PCSK9: variants seen among roughly 807,000 people sequenced by gnomAD.
PCSK9 encodes the protein proprotein convertase subtilisin/kexin type 9, also known as convertase subtilisin/kexin type 9 preproprotein.
In PCSK9, 57 loss-of-function variants were observed where a neutral mutation model predicts 62.1. The ratio of observed to expected loss-of-function variants is 0.92; its 90% CI spans 0.74 to 1.14. PCSK9 has a LOEUF of 1.14. Among genes scored for constraint, PCSK9 ranks in the 50% most tolerant of loss-of-function variants. PCSK9 has a pLI of 0.00. For missense variants in PCSK9, 870 were observed against 959.8 expected (o/e 0.91, Z 1.24); for synonymous variants, 387 against 409.4 (o/e 0.95, Z 0.66).
rs920853420 is a variant in PCSK9 at position 55,063,289 on chromosome 1, T to A, written c.1864-80T>A. On this transcript the variant is annotated intron_variant, in intron 11 of 11. Transcript: ENST00000302118. ...TCTGCACTTTGGCCTCACAGAAGGA[T>A]GTCGGAGGGAGAAATGAAGTGTGGG... The A allele has an allele frequency of 7.5e-6, 11 of 1,467,998 alleles. No homozygotes were observed. The African/African-American group carries it at 1.5e-4, about 21-fold the overall frequency. The allele number at this position is 1,467,998 out of a possible 1,614,324, so 90.9% of individuals were successfully genotyped here. A position where few individuals can be genotyped will look rare whatever the true frequency, so the allele number is the denominator to read the frequency against.
intron 2 of PCSK9, 65 bp from the exon 3 acceptor site, chr1:55,046,458 G>A: frequency 6.2e-7 from 1 of 1,613,064 alleles, no homozygotes; most frequent in South Asian, 1.1e-5. Flanking sequence ...AGGCCAGGCT[G>A]TGGCTGTGTT....
At chr1:55,050,839 C>T (rs1427552712) in intron 3 of PCSK9, 1 of 301,794 alleles carries the variant, frequency 3.3e-6, no homozygotes, top group Non-Finnish European at 6.4e-6. Context: ...TGAGCCAGAC[C>T]TTATTTGGAG....
In PCSK9 at chr1:55,050,046, G is replaced by A. The variant is rs566742505; in HGVS notation, c.524-2232G>A. The stretch of plus-strand genomic sequence containing the variant: ...CTGCCCAGCAGGCCTTCTGCTCGAT[G>A]TGCGTTGTGTGGCTTACGTCCAGGG... On this transcript the variant is annotated intron_variant, in intron 3 of 11. Transcript: ENST00000302118. Among the ~76,000 whole-genome samples, 3 of 152,354 alleles carry A rather than the reference G, an allele frequency of 2.0e-5. No homozygotes were observed. The East Asian group carries it at 5.8e-4, about 29-fold the overall frequency.
rs768944317 is a variant in PCSK9 at position 55,042,303 on chromosome 1, C to T, written c.208-1540C>T. ...CCACCGTCTGAAATGTAAAATGTTA[C>T]GAAAACCAAAAGTTTTTTTTGTGAT... On this transcript the variant is annotated intron_variant, in intron 1 of 11. Coordinates refer to ENST00000302118, the MANE Select transcript of PCSK9 (RefSeq NM_174936.4). 3.3e-5 allele frequency among the ~76,000 whole-genome samples: 5 copies of T among 152,256 alleles called. No homozygotes were observed. In the South Asian group the frequency reaches 6.2e-4, roughly 19 times the overall value.
chr1:55,054,648 G>C (rs1644699432), intron 5 of PCSK9, among the ~76,000 whole-genome samples: 1 of 152,192 alleles, frequency 6.6e-6, no homozygotes, highest in South Asian at 2.1e-4. Flanking sequence ...CAGGGCCAGA[G>C]CTGCGTTAGG....
At chr1:55,054,544 G>A (rs371896750) in intron 5 of PCSK9, among the ~76,000 whole-genome samples, 1 of 152,138 alleles carries the variant, frequency 6.6e-6, no homozygotes, top group East Asian at 1.9e-4. Context: ...CCTTGGCCAC[G>A]GCTCCTGGAG....
intron 5 of PCSK9, 84 bp from the exon 6 acceptor site, chr1:55,055,909 A>ACAG: frequency 7.6e-7 from 1 of 1,322,062 alleles, no homozygotes; most frequent in Non-Finnish European, 1.0e-6. Flanking sequence ...CCCAAAATTA[A>ACAG]CCATCACTCT....
rs749630126 is a variant in PCSK9 at position 55,046,543 on chromosome 1, C to T, written c.420C>T (p.Val140=). 8.1e-6 allele frequency: 13 copies of T among 1,614,054 alleles called. No individual in the cohort carries two copies. Among genetic ancestry groups the T allele is most frequent in the African/African-American group, 2.7e-5 (2 of 74,924 alleles). Residue 140 remains valine, a synonymous_variant, in exon 3 of 12, where the codon GTC becomes GTT. Transcript: ENST00000302118. ...LLELALKLPH[V]DYIEEDSSVF... is the part of the protein sequence containing the mutation. ...TGCAGGCCTTGAAGTTGCCCCATGT[C>T]GACTACATCGAGGAGGACTCCTCTG...
chr1:55,052,510 G>A (rs1173262418), intron 4 of PCSK9, 99 bp downstream of exon 4: 1 of 1,553,476 alleles, frequency 6.4e-7, no homozygotes, highest in Non-Finnish European at 8.7e-7. Context: ...CTGTACTCCT[G>A]GGTTGCACCC....
intron 5 of PCSK9, among the ~76,000 whole-genome samples, chr1:55,053,155 A>G (rs58255540): frequency 0.082 from 12,465 of 151,836 alleles, 845 homozygotes; most frequent in African/African-American, 0.18. Flanking sequence ...AACTTTTTCT[A>G]TCTTCTGCTT....
In PCSK9 at chr1:55,057,370, G is replaced by A. The variant is rs1212305277; in HGVS notation, c.1036G>A (p.Val346Met). The change falls in exon 7 of 12, where the codon GTG (valine) becomes ATG (methionine). Residue 346 changes from valine to methionine, a missense_variant. Val to Met is a conservative substitution (Grantham distance 21). Coordinates refer to ENST00000302118, the MANE Select transcript of PCSK9 (RefSeq NM_174936.4). ...GGCCACCAATGCCCAAGACCAGCCGGTGACCCTGGGGACTTTGGGGACCAA... is the reference window on the plus strand; with the variant it reads ...GGCCACCAATGCCCAAGACCAGCCGATGACCCTGGGGACTTTGGGGACCAA... ...VGATNAQDQP[V>M]TLGTLGTNFG... 3 of 1,614,090 alleles carry A rather than the reference G, an allele frequency of 1.9e-6. No homozygotes were observed. The highest frequency in any genetic ancestry group is 2.5e-6 in the Non-Finnish European group (3 of 1,180,012).
At position 55,061,173 on chromosome 1, in the gene PCSK9, CA is replaced by C. The variant is rs542704543; in HGVS notation, c.1682-200del. Among the ~76,000 whole-genome samples, 710 of 152,290 alleles carry C rather than the reference CA, an allele frequency of 4.7e-3. 6 individuals carry two copies. The highest frequency in any genetic ancestry group is 0.016 in the African/African-American group (671 of 41,558). On this transcript the variant is annotated intron_variant, in intron 10 of 11. Transcript: ENST00000302118. Reference sequence around the variant, plus strand: ...GCTCAGAGAGGTTGAATGGCTCTCCCAAGGTCACACAGCTGGTCAGCTGCAG... The same window carrying C: ...GCTCAGAGAGGTTGAATGGCTCTCCCAGGTCACACAGCTGGTCAGCTGCAG...
Position 55,058,543 on chromosome 1 carries a change from C to G in PCSK9, c.1399C>G (p.Pro467Ala), listed in dbSNP as rs772677312. ...CRTVWSAHSG[P>A]TRMATAVARC... ...GACTGTATGGTCAGCACACTCGGGG[C>G]CTACACGGATGGCCACAGCCGTCGC... Residue 467 changes from proline to alanine, a missense_variant, in exon 9 of 12, where the codon CCT (proline) becomes GCT (alanine). Pro to Ala is a conservative substitution (Grantham distance 27, BLOSUM62 -1). Transcript: ENST00000302118. The G allele has an allele frequency of 2.0e-5, 32 of 1,612,012 alleles. No individual in the cohort carries two copies. Among genetic ancestry groups the G allele is most frequent in the Middle Eastern group, 2.2e-4 (1 of 4,460 alleles).
chr1:55,053,264 T>C (rs934107679), intron 5 of PCSK9, among the ~76,000 whole-genome samples: 1 of 152,026 alleles, frequency 6.6e-6, no homozygotes, highest in African/African-American at 2.4e-5. Flanking sequence ...CAGAGGACTT[T>C]TTCTAGACTG....
At chr1:55,053,523 C>T (rs567431134) in intron 5 of PCSK9, among the ~76,000 whole-genome samples, 5 of 152,244 alleles carry the variant, frequency 3.3e-5, no homozygotes, top group Admixed American at 1.3e-4. Flanking sequence ...CTGGGGAACT[C>T]GCTGGGAAAA....
intron 5 of PCSK9, among the ~76,000 whole-genome samples, chr1:55,054,395 G>A (rs1644697468): frequency 6.6e-6 from 1 of 152,052 alleles, no homozygotes; most frequent in Admixed American, 6.5e-5. Context: ...AAATAAATAA[G>A]TAAATAACTA....
intron 8 of PCSK9, 89 bp downstream of exon 8, chr1:55,058,298 G>C: frequency 2.0e-6 from 3 of 1,527,410 alleles, no homozygotes; most frequent in South Asian, 1.2e-5. Flanking sequence ...CCTTGTCTGT[G>C]TAAGGAGGAT....
At chr1:55,063,300 G>C in intron 11 of PCSK9, 69 bp from the exon 12 acceptor site, 1 of 1,517,378 alleles carries the variant, frequency 6.6e-7, no homozygotes, top group Non-Finnish European at 9.0e-7. Context: ...GTCGGAGGGA[G>C]AAATGAAGTG....
In PCSK9 at chr1:55,063,952, G is replaced by A. The variant is rs151125363; in HGVS notation, c.*368G>A. 54 of 269,260 alleles carry A rather than the reference G, an allele frequency of 2.0e-4. No individual in the cohort carries two copies. In the East Asian group the frequency reaches 4.1e-3, roughly 20 times the overall value. The allele number at this position is 269,260 out of a possible 1,614,324, so 16.7% of individuals were successfully genotyped here. On this transcript the variant is annotated 3_prime_UTR_variant, in exon 12 of 12. Coordinates refer to ENST00000302118, the MANE Select transcript of PCSK9 (RefSeq NM_174936.4). ...TCCGTGCCAGGCATTCAATCCTCAG[G>A]TCTCCACCAAGGAGGCAGGATTCTT... is the stretch of plus-strand genomic sequence containing the variant.
Sources: gnomAD v4.1 joint callset for allele counts (sites outside exome capture counted in the v4.1 genomes callset) on GRCh38, gnomAD v4.1.1 for gene constraint, MANE v1.5 for transcripts, NCBI Gene and HGNC (gene_info 2026-07-23, HGNC 2026-07-21) for gene names.